Variants in ZNF90 observed in about 807,000 individuals in gnomAD.
The protein encoded by ZNF90 is zinc finger protein 90, also known as zinc finger protein HTF9.
In ZNF90, 11 loss-of-function variants were observed where a neutral mutation model predicts 12.0. That is an observed-to-expected ratio of 0.92 (90% CI 0.58 to 1.52). ZNF90 has a LOEUF of 1.52. Among genes scored for constraint, ZNF90 ranks in the 40% most tolerant of loss-of-function variants. ZNF90 has a pLI of 0.00. For missense variants in ZNF90, 765 were observed against 711.5 expected, an observed-to-expected ratio of 1.08 and a Z score of -0.86; for synonymous variants, 232 against 240.1, an observed-to-expected ratio of 0.97 and a Z score of 0.31.
intron 1 of ZNF90, among the ~76,000 whole-genome samples, chr19:20,084,478 T>C (rs1235623300): frequency 6.6e-6 from 1 of 152,236 alleles, no homozygotes; most frequent in Non-Finnish European, 1.5e-5. Flanking sequence ...TATGATATAA[T>C]AATTTATATT....
At chr19:20,095,679 C>T (rs1446128515) in intron 1 of ZNF90, among the ~76,000 whole-genome samples, 46 of 151,558 alleles carry the variant, frequency 3.0e-4, no homozygotes, top group Non-Finnish European at 5.7e-4. Flanking sequence ...GATTGGGGCA[C>T]AGAGATAAGA....
At chr19:20,104,172 C>G in intron 1 of ZNF90, 67 bp from the exon 2 acceptor site, 1 of 1,602,192 alleles carries the variant, frequency 6.2e-7, no homozygotes, top group Non-Finnish European at 8.5e-7. Context: ...TTCACCTTAA[C>G]TCAAATTACA....
intron 3 of ZNF90, among the ~76,000 whole-genome samples, chr19:20,106,400 A>C (rs1555704461): frequency 6.6e-6 from 1 of 152,228 alleles, no homozygotes. Flanking sequence ...AAGCATTGAC[A>C]ATGAGCACAA....
chr19:20,079,928 G>A (rs1359465359), intron 1 of ZNF90: 4 of 405,232 alleles, frequency 9.9e-6, no homozygotes, highest in Middle Eastern at 7.8e-4. Flanking sequence ...TCCTTTCATC[G>A]TATTTCCTCT....
chr19:20,078,864 T>C (rs979037475), intron 1 of ZNF90, among the ~76,000 whole-genome samples: 4 of 152,156 alleles, frequency 2.6e-5, no homozygotes, highest in African/African-American at 9.7e-5. Context: ...GGCTCCTGCC[T>C]GTAATTTCAG....
intron 1 of ZNF90, among the ~76,000 whole-genome samples, chr19:20,102,781 A>T (rs1389325394): frequency 2.0e-5 from 3 of 152,174 alleles, no homozygotes; most frequent in African/African-American, 7.2e-5. Context: ...AGCTCTATGC[A>T]GAACAGGATT....
At chr19:20,097,183 C>T (rs2088955311) in intron 1 of ZNF90, among the ~76,000 whole-genome samples, 1 of 152,122 alleles carries the variant, frequency 6.6e-6, no homozygotes. Context: ...TCTTTCTGTA[C>T]TATTATTGTG....
At chr19:20,085,604 T>C (rs955526369) in intron 1 of ZNF90, among the ~76,000 whole-genome samples, 1 of 152,178 alleles carries the variant, frequency 6.6e-6, no homozygotes, top group African/African-American at 2.4e-5. Context: ...ATAATATCTT[T>C]CTCTCTTTTG....
chr19:20,085,415 G>A (rs568918012), intron 1 of ZNF90, among the ~76,000 whole-genome samples: 4 of 151,776 alleles, frequency 2.6e-5, no homozygotes, highest in South Asian at 2.1e-4. Flanking sequence ...GCCTGCCACC[G>A]CGCCCGGCTA....
At chr19:20,109,241 T>A (rs2089065746) in intron 3 of ZNF90, among the ~76,000 whole-genome samples, 2 of 152,204 alleles carry the variant, frequency 1.3e-5, no homozygotes, top group African/African-American at 2.4e-5. Flanking sequence ...TAAGTCCATT[T>A]GAGGTTTAAG....
intron 1 of ZNF90, among the ~76,000 whole-genome samples, chr19:20,082,600 T>G (rs955814405): frequency 2.0e-5 from 3 of 152,184 alleles, no homozygotes; most frequent in Non-Finnish European, 2.9e-5. Flanking sequence ...CACCACTCCC[T>G]AATCTCAAGT....
chr19:20,088,085 G>A (rs1197938225), intron 1 of ZNF90, among the ~76,000 whole-genome samples: 4 of 152,252 alleles, frequency 2.6e-5, no homozygotes, highest in Middle Eastern at 3.4e-3. Context: ...GGGCATATAC[G>A]TGCAGGTCAC....
At chr19:20,101,626 CTTTG>C (rs2088990734) in intron 1 of ZNF90, among the ~76,000 whole-genome samples, 1 of 152,138 alleles carries the variant, frequency 6.6e-6, no homozygotes. Context: ...CTTTTTCTGT[CTTTG>C]TTTTTCTGCC....
At chr19:20,114,333 T>C (rs1177472622) in intron 3 of ZNF90, among the ~76,000 whole-genome samples, 1 of 152,222 alleles carries the variant, frequency 6.6e-6, no homozygotes, top group African/African-American at 2.4e-5. Context: ...ATTGACATTG[T>C]TATGCAACAT....
At position 20,081,608 on chromosome 19, in the gene ZNF90, G is replaced by A. The variant is rs181835374; in HGVS notation, c.3+3473G>A. Among the ~76,000 whole-genome samples, 256 of 152,210 alleles carry A rather than the reference G, an allele frequency of 1.7e-3. 1 individual carries two copies. The highest frequency in any genetic ancestry group is 1.2e-3 in the Non-Finnish European group (82 of 68,020). ...ACCTATTTTCTCCATCAACCTAAAG[G>A]TCTGGACCTCCTCTTTATAATCTCA... On this transcript the variant is annotated intron_variant, in intron 1 of 3. Transcript: ENST00000418063.
chr19:20,101,365 T>C (rs956427962), intron 1 of ZNF90, among the ~76,000 whole-genome samples: 24 of 152,262 alleles, frequency 1.6e-4, no homozygotes, highest in Admixed American at 6.5e-4. Context: ...GAACCCCAGG[T>C]CAGAGAACAA....
At chr19:20,090,694 G>C (rs2088895442) in intron 1 of ZNF90, among the ~76,000 whole-genome samples, 1 of 152,170 alleles carries the variant, frequency 6.6e-6, no homozygotes, top group Non-Finnish European at 1.5e-5. Flanking sequence ...TAGCCTGCTG[G>C]AGGACTGGAA....
intron 3 of ZNF90, chr19:20,106,798 G>T (rs572161545): frequency 1.0e-4 from 44 of 423,238 alleles, no homozygotes; most frequent in African/African-American, 8.6e-4. Context: ...CTTTTGTTGG[G>T]CCCTTAGTGT....
At chr19:20,089,866 G>A (rs142537056) in intron 1 of ZNF90, among the ~76,000 whole-genome samples, 61 of 152,298 alleles carry the variant, frequency 4.0e-4, no homozygotes, top group African/African-American at 1.4e-3. Context: ...GGCAGCAGTT[G>A]TTCGCCAAGG....
Sources: gnomAD v4.1 joint callset for allele counts (sites outside exome capture counted in the v4.1 genomes callset) on GRCh38, gnomAD v4.1.1 for gene constraint, MANE v1.5 for transcripts, NCBI Gene and HGNC (gene_info 2026-07-23, HGNC 2026-07-21) for gene names.